Variants in KIF13A observed in about 807,000 individuals in gnomAD.
The protein encoded by KIF13A is kinesin-like protein KIF13A.
A neutral mutation model predicts 212.2 loss-of-function variants in KIF13A; 79 were observed. The observed-to-expected ratio is 0.37, with a 90% CI of 0.31 to 0.45. KIF13A has a LOEUF of 0.45. Among genes scored for constraint, KIF13A ranks in the 20% least tolerant of loss-of-function variants. KIF13A has a pLI of 1.00. For missense variants in KIF13A, 1,901 were observed against 2,209.0 expected (o/e 0.86, Z 2.79); for synonymous variants, 789 against 808.6 (o/e 0.98, Z 0.41).
At chr6:17,880,746 G>A (rs1562090588) in intron 3 of KIF13A, among the ~76,000 whole-genome samples, 2 of 150,816 alleles carry the variant, frequency 1.3e-5, no homozygotes, top group Admixed American at 6.6e-5. Flanking sequence ...GCAGCCTCCC[G>A]AGTAGCTAGG....
rs949301654 is a variant in KIF13A at position 17,915,695 on chromosome 6, C to G, written c.147-17515G>C. Among the ~76,000 whole-genome samples, 7 of 152,156 alleles carry G rather than the reference C, an allele frequency of 4.6e-5. No homozygotes were observed. The highest frequency in any genetic ancestry group is 1.0e-4 in the Non-Finnish European group (7 of 68,032). The stretch of plus-strand genomic sequence containing the variant: ...TTACAGTTCAGGCCAGGCACAGTGG[C>G]TCACGCCTGTAATCGCAGCACTTTG... On this transcript the variant is annotated intron_variant, in intron 2 of 38. Coordinates refer to ENST00000259711, the MANE Select transcript of KIF13A (RefSeq NM_022113.6). This position sits in a 1 kb window ranked among gnomAD's most constrained non-coding sequence, Gnocchi z 4.4.
chr6:17,851,737 G>T (rs1345575647), intron 7 of KIF13A, among the ~76,000 whole-genome samples: 2 of 152,210 alleles, frequency 1.3e-5, no homozygotes, highest in African/African-American at 4.8e-5. Flanking sequence ...AAAACACTGG[G>T]CCTCCCGGCC....
At chr6:17,901,549 T>C (rs1009947444) in intron 2 of KIF13A, among the ~76,000 whole-genome samples, 4 of 152,150 alleles carry the variant, frequency 2.6e-5, no homozygotes, top group African/African-American at 9.7e-5. Context: ...AATTTTCCAC[T>C]GGGACAGTAC....
chr6:17,790,868 C>T (rs918448982), intron 25 of KIF13A, among the ~76,000 whole-genome samples: 3 of 152,158 alleles, frequency 2.0e-5, no homozygotes, highest in Non-Finnish European at 4.4e-5. Context: ...ATAACAATCA[C>T]TTGAAAGAAT....
At chr6:17,833,683 C>T (rs1014192710) in intron 12 of KIF13A, among the ~76,000 whole-genome samples, 8 of 151,408 alleles carry the variant, frequency 5.3e-5, no homozygotes, top group Non-Finnish European at 8.8e-5. Flanking sequence ...TGGTGAAACC[C>T]CATCTCTACT....
downstream of KIF13A, chr6:17,759,478 A>G (rs1758493431): frequency 6.6e-6 from 1 of 152,198 alleles, no homozygotes; most frequent in Non-Finnish European, 1.5e-5. Flanking sequence ...CGAAGAATTT[A>G]AAAGAAAAAA....
chr6:17,987,431 C>T lies in KIF13A; in HGVS notation c.33G>A (p.Arg11=). ...CACCTCGTCGGTTCATGGGCCGGAC[C>T]CGGACGGCAACTTTTACCTTGGTAT... MSDTKVKVAV[R]VRPMNRRELE... The change falls in exon 1 of 39, where the codon CGG becomes CGA. Residue 11 remains arginine, a synonymous_variant. Coordinates refer to ENST00000259711, the MANE Select transcript of KIF13A (RefSeq NM_022113.6). This position sits in a 1 kb window ranked among gnomAD's most constrained non-coding sequence, Gnocchi z 7.7. The T allele has an allele frequency of 7.4e-7, 1 of 1,352,372 alleles. No individual in the cohort carries two copies. 83.8% of individuals were successfully genotyped at this position (1,352,372 alleles called of 1,614,324 possible).
chr6:17,835,195 C>CAAAAAAAAAAAAAAAAA (rs61697144), intron 11 of KIF13A, among the ~76,000 whole-genome samples: 11 of 45,950 alleles, frequency 2.4e-4, no homozygotes, highest in Admixed American at 4.0e-4. Context: ...CCGCCCCCGC[C>CAAAAAAAAAAAAAAAAA]AAAAAAAAAA....
At position 17,963,215 on chromosome 6, in the gene KIF13A, C is replaced by G. The variant is rs1266145444; in HGVS notation, c.146+23839G>C. 6.6e-6 allele frequency among the ~76,000 whole-genome samples: 1 copy of G among 152,062 alleles called. No homozygotes were observed. The highest frequency in any genetic ancestry group is 1.5e-5 in the Non-Finnish European group (1 of 68,028). ...GGCGGATCACCTGAGGTGGGGAGTT[C>G]AAGACCAGCCTGGCCAACATGGCGA... is the stretch of plus-strand genomic sequence containing the variant. On this transcript the variant is annotated intron_variant, in intron 2 of 38. Transcript: ENST00000259711. The surrounding 1 kb of genome is among the most constrained non-coding windows in gnomAD (Gnocchi z 4.1).
intron 22 of KIF13A, among the ~76,000 whole-genome samples, chr6:17,798,760 A>G (rs1025156058): frequency 8.4e-4 from 128 of 152,226 alleles, no homozygotes; most frequent in African/African-American, 2.9e-3. Flanking sequence ...TCCTTTTTTT[A>G]TATTTTCTCA....
chr6:17,880,538 G>A (rs1473035045), intron 3 of KIF13A, among the ~76,000 whole-genome samples: 1 of 143,218 alleles, frequency 7.0e-6, no homozygotes, highest in Non-Finnish European at 1.5e-5. Context: ...TGAGATAGGA[G>A]AATCATTTGA....
chr6:17,844,197 T>A (rs1338267271), intron 9 of KIF13A, among the ~76,000 whole-genome samples: 1 of 152,062 alleles, frequency 6.6e-6, no homozygotes, highest in Non-Finnish European at 1.5e-5. Context: ...AAATTATGAG[T>A]AAAGGACAGT....
chr6:17,939,689 A>G (rs1776778578), intron 2 of KIF13A, among the ~76,000 whole-genome samples: 1 of 152,212 alleles, frequency 6.6e-6, no homozygotes, highest in Non-Finnish European at 1.5e-5. Flanking sequence ...CCAAGATGGC[A>G]AGGAAAGTGA....
intron 2 of KIF13A, among the ~76,000 whole-genome samples, chr6:17,944,731 T>A (rs951798523): frequency 6.6e-6 from 1 of 152,182 alleles, no homozygotes; most frequent in African/African-American, 2.4e-5. Flanking sequence ...ATAAAATATA[T>A]AACCCATTAT....
chr6:17,950,420 G>A (rs1156707778), intron 2 of KIF13A: 3 of 974,752 alleles, frequency 3.1e-6, no homozygotes, highest in Non-Finnish European at 3.7e-6. Context: ...TTCAGAAAAT[G>A]ATTTATTAAT....
rs1461817921 is a variant in KIF13A at position 17,811,822 on chromosome 6, TCTCC to T, written c.2001-2896_2001-2893del. Among the ~76,000 whole-genome samples the T allele has an allele frequency of 2.6e-5, 4 of 151,600 alleles. No individual in the cohort carries two copies. The highest frequency in any genetic ancestry group is 5.9e-5 in the Non-Finnish European group (4 of 67,932). On this transcript the variant is annotated intron_variant, in intron 17 of 38. Coordinates refer to ENST00000259711, the MANE Select transcript of KIF13A (RefSeq NM_022113.6). The surrounding 1 kb of genome is among the most constrained non-coding windows in gnomAD (Gnocchi z 6.0). ...TTTTTCTTCCTTCCTTCCTTCCTTC[TCTCC>T]CTCCCTTTTTCTTTCTTTCCTTCTC...
Position 17,859,881 on chromosome 6 carries a change from C to T in KIF13A, c.221-3759G>A, listed in dbSNP as rs893953787. On this transcript the variant is annotated intron_variant, in intron 4 of 38. Transcript: ENST00000259711. ...CGAACTCCTGACCTCGTGATCCACC[C>T]GCCTTGGCCTCCCAAAGTGCTGGGA... Among the ~76,000 whole-genome samples the T allele has an allele frequency of 7.3e-5, 11 of 151,696 alleles. No individual in the cohort carries two copies. In the East Asian group the frequency reaches 1.8e-3, roughly 24 times the overall value.
intron 14 of KIF13A, among the ~76,000 whole-genome samples, chr6:17,827,566 A>T (rs1022775174): frequency 5.1e-4 from 76 of 147,888 alleles, no homozygotes; most frequent in African/African-American, 1.9e-3. Flanking sequence ...AGGCTAGGCT[A>T]CAGTGCAGTG....
At position 17,912,596 on chromosome 6, in the gene KIF13A, T is replaced by C. The variant is rs1187522905; in HGVS notation, c.147-14416A>G. On this transcript the variant is annotated intron_variant, in intron 2 of 38. Coordinates refer to ENST00000259711, the MANE Select transcript of KIF13A (RefSeq NM_022113.6). The surrounding 1 kb of genome is among the most constrained non-coding windows in gnomAD (Gnocchi z 4.2). ...AGAACCCCCATTTCCCATTTCTTTA[T>C]TTGGGACATGCCACCCTTGTTGAGT... 6.6e-6 allele frequency among the ~76,000 whole-genome samples: 1 copy of C among 152,240 alleles called. No individual in the cohort carries two copies.
Sources: allele counts gnomAD v4.1 joint callset (sites outside exome capture counted in the v4.1 genomes callset), GRCh38; gene constraint gnomAD v4.1.1; non-coding constraint Gnocchi (gnomAD v3.1); transcripts MANE v1.5; gene names NCBI Gene and HGNC (gene_info 2026-07-23, HGNC 2026-07-21).